Variants in CRACD observed in about 807,000 individuals in gnomAD.
CRACD encodes the protein capping protein inhibiting regulator of actin dynamics, also known as capping protein-inhibiting regulator of actin dynamics.
A neutral mutation model predicts 106.8 loss-of-function variants in CRACD; 56 were observed. The observed-to-expected ratio is 0.52, with a 90% confidence interval of 0.42 to 0.66. The LOEUF is 0.66. Among genes scored for constraint, CRACD ranks in the 30% least tolerant of loss-of-function variants. The probability of loss-of-function intolerance (pLI) is 0.00; values close to 1 mark genes in which losing one functional copy is unlikely to be tolerated. For missense variants in CRACD, 1,730 were observed against 1,623.2 expected (o/e 1.07, Z -1.13); for synonymous variants, 754 against 670.8 (o/e 1.12, Z -1.92).
chr4:56,258,377 G>A (rs1447532234), intron 2 of CRACD, among the ~76,000 whole-genome samples: 1 of 152,190 alleles, frequency 6.6e-6, no homozygotes. Flanking sequence ...CTTCTAAAAT[G>A]TATAAAATCA....
chr4:56,227,398 C>G (rs1461923415), intron 2 of CRACD, among the ~76,000 whole-genome samples: 1 of 152,174 alleles, frequency 6.6e-6, no homozygotes, highest in Non-Finnish European at 1.5e-5. Context: ...CTGATAGATA[C>G]ACTAAGTTAG....
intron 8 of CRACD, among the ~76,000 whole-genome samples, chr4:56,317,692 T>C (rs560970720): frequency 3.9e-5 from 6 of 152,212 alleles, no homozygotes; most frequent in Middle Eastern, 3.4e-3. Flanking sequence ...ATGGGATAAT[T>C]GACTGTCTCC....
chr4:56,257,144 C>T (rs9760047), intron 2 of CRACD, among the ~76,000 whole-genome samples: 11,163 of 141,888 alleles, frequency 0.079, 1,506 homozygotes, highest in East Asian at 0.63. Context: ...TGCAGTGGTG[C>T]GATCTCGGCT....
chr4:56,184,898 T>C (rs1462177052), intron 2 of CRACD, among the ~76,000 whole-genome samples: 3 of 152,206 alleles, frequency 2.0e-5, no homozygotes, highest in Non-Finnish European at 4.4e-5. Context: ...CAGGTGAAAT[T>C]CACATAGCAT....
At position 56,269,791 on chromosome 4, in the gene CRACD, G is replaced by A. The variant is rs180917115; in HGVS notation, c.-188-2530G>A. Among the ~76,000 whole-genome samples, 568 of 151,902 alleles carry A rather than the reference G, an allele frequency of 3.7e-3. 2 individuals are homozygous for A. Among genetic ancestry groups the A allele is most frequent in the African/African-American group, 0.013 (534 of 41,412 alleles). On this transcript the variant is annotated intron_variant, in intron 2 of 10. Coordinates refer to ENST00000682029, the MANE Select transcript of CRACD (RefSeq NM_001393381.1). ...CTCACAATAACTCATTCAATATCAC[G>A]AGGACAGCACCAGGCCATGAGGGAT...
At chr4:56,245,724 G>C (rs1740642973) in intron 2 of CRACD, among the ~76,000 whole-genome samples, 1 of 152,162 alleles carries the variant, frequency 6.6e-6, no homozygotes, top group South Asian at 2.1e-4. Context: ...TCAGATACAA[G>C]AGCAGAATAC....
chr4:56,289,156 GT>G (rs1159531089), intron 3 of CRACD, among the ~76,000 whole-genome samples: 2 of 152,162 alleles, frequency 1.3e-5, no homozygotes, highest in African/African-American at 4.8e-5. Flanking sequence ...TGGATATGAA[GT>G]TTAGGATGAT....
intron 1 of CRACD, among the ~76,000 whole-genome samples, chr4:56,143,337 T>C (rs900009777): frequency 6.6e-5 from 10 of 152,120 alleles, no homozygotes; most frequent in African/African-American, 2.4e-4. Context: ...ATGATAATTT[T>C]TGTCTTTTTC....
intron 3 of CRACD, among the ~76,000 whole-genome samples, chr4:56,279,885 A>G (rs1433810861): frequency 6.6e-6 from 1 of 152,156 alleles, no homozygotes; most frequent in African/African-American, 2.4e-5. Flanking sequence ...AAAGACTTGG[A>G]ACCAAGCCAA....
chr4:56,298,321 A>C lies in CRACD; in HGVS notation c.92A>C (p.Asn31Thr). 6.2e-7 allele frequency: 1 copy of C among 1,614,174 alleles called. No individual in the cohort carries two copies. Among genetic ancestry groups the C allele is most frequent in the South Asian group, 1.1e-5 (1 of 91,064 alleles). Residue 31 changes from asparagine to threonine, a missense_variant, in exon 4 of 11, where the codon AAC (asparagine) becomes ACC (threonine). Around this residue, in one of 5 missense-constraint regions of CRACD, gnomAD observed 1,620 missense variants for 1,481.6 expected, o/e 1.09. Transcript: ENST00000682029. ...EQTVQAMSQD[N>T]ILGKVKTLQQ... ...ACAGTTCAAGCAATGTCACAGGACA[A>C]CATCCTGGGCAAAGTCAAAACTCTT...
At chr4:56,127,152 G>A (rs1213251464) in intron 1 of CRACD, among the ~76,000 whole-genome samples, 20 of 152,150 alleles carry the variant, frequency 1.3e-4, no homozygotes, top group Admixed American at 1.3e-3. Context: ...CCTGCCATAT[G>A]AGGACATGGT....
chr4:56,313,469 T>C lies in CRACD; in HGVS notation c.537+90T>C, dbSNP rs1745291578. 10 of 1,144,446 alleles carry C rather than the reference T, an allele frequency of 8.7e-6. No individual in the cohort carries two copies. The South Asian group carries it at 1.5e-4, about 17-fold the overall frequency. 70.9% of individuals were successfully genotyped at this position (1,144,446 alleles called of 1,614,324 possible). ...GTGGGTTGGCATTGGGGTGGAGCCA[T>C]GTAAAGACCTGAGAGTCTCCCCATC... On this transcript the variant is annotated intron_variant, in intron 7 of 10. Coordinates refer to ENST00000682029, the MANE Select transcript of CRACD (RefSeq NM_001393381.1).
chr4:56,207,760 A>G (rs1260921292), intron 2 of CRACD, among the ~76,000 whole-genome samples: 1 of 144,008 alleles, frequency 6.9e-6, no homozygotes, highest in Non-Finnish European at 1.5e-5. Context: ...ATATATATAT[A>G]TATATATATA....
intron 1 of CRACD, among the ~76,000 whole-genome samples, chr4:56,107,024 G>T (rs1448792182): frequency 6.6e-6 from 1 of 152,136 alleles, no homozygotes; most frequent in African/African-American, 2.4e-5. Context: ...ATGCAGGAGT[G>T]CAGTGACGTG....
chr4:56,233,563 G>A (rs1600269), intron 2 of CRACD, among the ~76,000 whole-genome samples: 68,389 of 151,914 alleles, frequency 0.45, 15,971 homozygotes, highest in Non-Finnish European at 0.51. Flanking sequence ...TTTTTTATCT[G>A]GTTATTTTTA....
At chr4:56,190,528 AT>A (rs1737324599) in intron 2 of CRACD, among the ~76,000 whole-genome samples, 1 of 152,238 alleles carries the variant, frequency 6.6e-6, no homozygotes, top group Non-Finnish European at 1.5e-5. Flanking sequence ...GCGATTCTGA[AT>A]TAAACAAAGT....
At chr4:56,291,691 C>T (rs1743714122) in intron 3 of CRACD, among the ~76,000 whole-genome samples, 2 of 152,288 alleles carry the variant, frequency 1.3e-5, no homozygotes, top group Admixed American at 1.3e-4. Context: ...ATACCTGCCC[C>T]CATTTTGCCT....
chr4:56,229,150 G>A (rs143319378), intron 2 of CRACD, among the ~76,000 whole-genome samples: 59 of 152,292 alleles, frequency 3.9e-4, no homozygotes, highest in East Asian at 3.5e-3. Context: ...GAGACAGCTC[G>A]TTTCAGTAGC....
rs1745576777 is a variant in CRACD, at chr4:56,315,645, G to A, written c.2143G>A (p.Val715Ile). Residue 715 changes from valine to isoleucine, a missense_variant, in exon 8 of 11, where the codon GTC becomes ATC. By Grantham distance (29) the Val-to-Ile change is conservative. Transcript: ENST00000682029. This position sits in a 1 kb window ranked among gnomAD's most constrained non-coding sequence, Gnocchi z 4.1. ...CGGGAACCAACGGAAGACTCCGCCA[G>A]TCAATGCAAAGTTCTCTATTATGCC... ...SRGNQRKTPP[V>I]NAKFSIMPAW... 3 of 1,614,232 alleles carry A rather than the reference G, an allele frequency of 1.9e-6. No individual in the cohort carries two copies. Among genetic ancestry groups the A allele is most frequent in the Middle Eastern group, 1.7e-4 (1 of 6,060 alleles).
Sources: allele counts gnomAD v4.1 joint callset (sites outside exome capture counted in the v4.1 genomes callset), GRCh38; gene constraint gnomAD v4.1.1; regional missense constraint gnomAD v4.1.1; non-coding constraint Gnocchi (gnomAD v3.1); transcripts MANE v1.5; gene names NCBI Gene and HGNC (gene_info 2026-07-23, HGNC 2026-07-21).